The following SOX5 variants were observed in gnomAD, a reference collection of about 807,000 sequenced individuals.
The protein encoded by SOX5 is SRY-box transcription factor 5.
A neutral mutation model predicts 92.0 loss-of-function variants in SOX5; 9 were observed. The ratio of observed to expected loss-of-function variants is 0.10; its 90% CI spans 0.06 to 0.17. The LOEUF is 0.17. SOX5 is among the 10% of genes least tolerant of loss of function. The probability of loss-of-function intolerance (pLI) is 1.00; values close to 1 mark genes in which losing one functional copy is unlikely to be tolerated. For missense variants in SOX5, 642 were observed against 944.5 expected, an observed-to-expected ratio of 0.68 and a Z score of 4.20; for synonymous variants, 344 against 336.3, an observed-to-expected ratio of 1.02 and a Z score of -0.25.
intron 4 of SOX5, among the ~76,000 whole-genome samples, chr12:24,122,910 A>T (rs1948771930): frequency 6.6e-6 from 1 of 152,258 alleles, no homozygotes; most frequent in Admixed American, 6.5e-5. Context: ...TAAGGAGCTG[A>T]GAAACTGCTC....
chr12:24,266,293 T>A (rs1943014932), intron 3 of SOX5, among the ~76,000 whole-genome samples: 1 of 152,160 alleles, frequency 6.6e-6, no homozygotes, highest in Non-Finnish European at 1.5e-5. Flanking sequence ...TAAACGTGCA[T>A]ATATGTATAA....
chr12:23,979,723 T>TG (rs1569370550), intron 4 of SOX5, among the ~76,000 whole-genome samples: 6 of 119,102 alleles, frequency 5.0e-5, no homozygotes, highest in Middle Eastern at 4.2e-3. Context: ...TTTTTTTTTT[T>TG]TTTTTTTTTT....
intron 4 of SOX5, among the ~76,000 whole-genome samples, chr12:24,103,837 T>G (rs999257894): frequency 1.3e-5 from 2 of 152,094 alleles, no homozygotes; most frequent in African/African-American, 4.8e-5. Context: ...AGACGTGAGT[T>G]TAGTGTAGCT....
intron 3 of SOX5, among the ~76,000 whole-genome samples, chr12:23,770,832 C>A (rs998344908): frequency 1.4e-4 from 21 of 152,158 alleles, no homozygotes; most frequent in Non-Finnish European, 3.1e-4. Flanking sequence ...TTTTACTAGA[C>A]TACAAACAGT....
chr12:24,552,652 AT>A lies in SOX5; in HGVS notation c.-251+9676del, dbSNP rs140557889. On this transcript the variant is annotated intron_variant, in intron 1 of 4. Coordinates refer to the SOX5 transcript ENST00000446891. ...ACACGCATCTGTGTGTTCAATGAAT[AT>A]TTTTTGGTGAATATAGGGATTAGTG... Among the ~76,000 whole-genome samples the A allele has an allele frequency of 5.6e-3, 859 of 152,318 alleles. 6 individuals carry two copies. Among genetic ancestry groups the A allele is most frequent in the African/African-American group, 0.019 (809 of 41,544 alleles).
chr12:24,033,192 C>G (rs1376243825), intron 4 of SOX5, among the ~76,000 whole-genome samples: 1 of 151,832 alleles, frequency 6.6e-6, no homozygotes, highest in East Asian at 1.9e-4. Flanking sequence ...ACATCTTTTC[C>G]AAGTGACTTT....
At chr12:24,123,523 C>T (rs1188335099) in intron 4 of SOX5, among the ~76,000 whole-genome samples, 1 of 152,080 alleles carries the variant, frequency 6.6e-6, no homozygotes, top group Non-Finnish European at 1.5e-5. Context: ...TACTTACAGG[C>T]CATTTTTCAT....
chr12:24,083,536 G>A (rs1943615521), intron 4 of SOX5, among the ~76,000 whole-genome samples: 1 of 152,026 alleles, frequency 6.6e-6, no homozygotes, highest in Non-Finnish European at 1.5e-5. Flanking sequence ...AGCACTGTAG[G>A]TGCAGAAATA....
At chr12:24,236,224 TAA>T (rs1248126191) in intron 3 of SOX5, among the ~76,000 whole-genome samples, 1 of 151,652 alleles carries the variant, frequency 6.6e-6, no homozygotes, top group Non-Finnish European at 1.5e-5. Context: ...ATAAATAAAA[TAA>T]AATAAAATAA....
At chr12:23,656,750 C>A (rs2082353795) in intron 7 of SOX5, among the ~76,000 whole-genome samples, 1 of 151,642 alleles carries the variant, frequency 6.6e-6, no homozygotes, top group Non-Finnish European at 1.5e-5. Context: ...TATTACACAT[C>A]TATATCTAAA....
At chr12:23,947,445 T>C (rs1944771514) in intron 1 of SOX5, among the ~76,000 whole-genome samples, 1 of 151,930 alleles carries the variant, frequency 6.6e-6, no homozygotes, top group African/African-American at 2.4e-5. Context: ...CATGATACAC[T>C]GTATCATGCA....
At chr12:23,832,552 A>G (rs1315395834) in intron 3 of SOX5, among the ~76,000 whole-genome samples, 1 of 152,052 alleles carries the variant, frequency 6.6e-6, no homozygotes, top group Non-Finnish European at 1.5e-5. Flanking sequence ...CAATGTTTCA[A>G]GGTAGCCAGG....
chr12:23,697,861 A>G (rs897293710), intron 6 of SOX5, among the ~76,000 whole-genome samples: 2 of 152,084 alleles, frequency 1.3e-5, no homozygotes, highest in African/African-American at 4.8e-5. Context: ...GATAATTTAC[A>G]TTTAATAAAA....
intron 3 of SOX5, among the ~76,000 whole-genome samples, chr12:24,224,345 C>CT (rs555385034): frequency 0.013 from 1,887 of 147,398 alleles, 36 homozygotes; most frequent in African/African-American, 0.041. Context: ...TTTTTTCTTT[C>CT]TTTTTTTTTT....
intron 1 of SOX5, among the ~76,000 whole-genome samples, chr12:23,908,519 AAATGTAC>A (rs1297263735): frequency 6.6e-6 from 1 of 152,024 alleles, no homozygotes; most frequent in East Asian, 1.9e-4. Context: ...CAGCTGTTGA[AAATGTAC>A]AAAGTAGAAA....
At chr12:23,828,087 C>T (rs982455359) in intron 3 of SOX5, among the ~76,000 whole-genome samples, 1 of 152,196 alleles carries the variant, frequency 6.6e-6, no homozygotes, top group Non-Finnish European at 1.5e-5. Flanking sequence ...GATTATAATA[C>T]CATATTTCTA....
chr12:23,886,532 T>TA (rs2097068464), intron 2 of SOX5, among the ~76,000 whole-genome samples: 1 of 141,228 alleles, frequency 7.1e-6, no homozygotes. Context: ...TACTGCAAGA[T>TA]TTTTTTTTTT....
At chr12:23,820,880 T>C (rs1479343446) in intron 3 of SOX5, among the ~76,000 whole-genome samples, 1 of 152,196 alleles carries the variant, frequency 6.6e-6, no homozygotes, top group East Asian at 1.9e-4. Context: ...TTGCTCTTTT[T>C]GCCTAGGATT....
rs376995670 is a variant in SOX5, at chr12:24,398,227, G to T, written c.-250-29588C>A. Among the ~76,000 whole-genome samples, 6 of 152,288 alleles carry T rather than the reference G, an allele frequency of 3.9e-5. No homozygotes were observed. The East Asian group carries it at 9.7e-4, about 25-fold the overall frequency. On this transcript the variant is annotated intron_variant, in intron 1 of 4. Transcript: ENST00000446891. The stretch of plus-strand genomic sequence containing the variant: ...TTCATCAAAATTTGTTTTTAGGCCA[G>T]ATGCAGTGGCTCACGCCTGTAATCC...
Sources: gnomAD v4.1 joint callset for allele counts (sites outside exome capture counted in the v4.1 genomes callset) on GRCh38, gnomAD v4.1.1 for gene constraint, MANE v1.5 for transcripts, NCBI Gene and HGNC (gene_info 2026-07-23, HGNC 2026-07-21) for gene names.